DPP9: variants seen among roughly 807,000 people sequenced by gnomAD.
DPP9 encodes dipeptidyl peptidase IV-related protein-2.
A neutral mutation model predicts 110.7 loss-of-function variants in DPP9; 50 were observed. That is an observed-to-expected ratio of 0.45 (90% CI 0.36 to 0.57). DPP9 has a LOEUF of 0.57. DPP9 is among the 20% of genes least tolerant of loss of function. DPP9 has a pLI of 0.00. For synonymous variants in DPP9, 561 were observed against 514.4 expected, an observed-to-expected ratio of 1.09 and a Z score of -1.23; for missense variants, 1,022 against 1,217.9, an observed-to-expected ratio of 0.84 and a Z score of 2.39.
In DPP9 at chr19:4,700,419, C is replaced by A. The variant is rs1459876181; in HGVS notation, c.1013-142G>T. ...GGGGAGGCAGGAGAAGCCAGGTGTC[C>A]CACGGTCTGTCTGTAGGCACATCGT... On this transcript the variant is annotated intron_variant, in intron 9 of 21. Coordinates refer to ENST00000262960, the MANE Select transcript of DPP9 (RefSeq NM_139159.5). The surrounding 1 kb of genome is among the most constrained non-coding windows in gnomAD (Gnocchi z 4.3). The A allele has an allele frequency of 4.5e-5, 25 of 556,584 alleles. No homozygotes were observed. In the South Asian group the frequency reaches 6.7e-4, roughly 15 times the overall value. 34.5% of individuals were successfully genotyped at this position (556,584 alleles called of 1,614,324 possible).
rs368332608 is a variant in DPP9, at chr19:4,705,956, T to A, written c.328A>T (p.Ser110Cys). ...RLYYLGMPYGSRENSLLYSEI... is the reference protein window; with the variant it reads ...RLYYLGMPYGCRENSLLYSEI... ...GAGTAGAGGAGGGAGTTCTCTCGGC[T>A]GCCATATGGCATTCCTAAAGGGAGA... The change falls in exon 5 of 22, where the codon AGC becomes TGC. Residue 110 changes from serine to cysteine, a missense_variant. By Grantham distance (112) the Ser-to-Cys change is moderately radical. Coordinates refer to ENST00000262960, the MANE Select transcript of DPP9 (RefSeq NM_139159.5). 3 of 1,613,620 alleles carry A rather than the reference T, an allele frequency of 1.9e-6. No homozygotes were observed. Among genetic ancestry groups the A allele is most frequent in the Non-Finnish European group, 2.5e-6 (3 of 1,179,702 alleles).
intron 4 of DPP9, among the ~76,000 whole-genome samples, chr19:4,711,037 C>T (rs1296940959): frequency 1.3e-5 from 2 of 152,160 alleles, no homozygotes; most frequent in Admixed American, 6.5e-5. Context: ...GAGAAAGTTC[C>T]TCCGTTTCTG....
chr19:4,707,322 T>G (rs953329472), intron 4 of DPP9, among the ~76,000 whole-genome samples: 2 of 152,084 alleles, frequency 1.3e-5, no homozygotes, highest in African/African-American at 2.4e-5. Context: ...ATGTCTTAGA[T>G]CTGCTGGATG....
At chr19:4,716,322 G>T (rs1484190117) in intron 3 of DPP9, among the ~76,000 whole-genome samples, 1 of 152,130 alleles carries the variant, frequency 6.6e-6, no homozygotes. Flanking sequence ...GAGCTGCAAG[G>T]ATGTCAACGA....
chr19:4,705,765 C>T, intron 5 of DPP9, 93 bp downstream of exon 5: 1 of 1,232,396 alleles, frequency 8.1e-7, no homozygotes, highest in Non-Finnish European at 1.2e-6. Flanking sequence ...GCCGGTGGGG[C>T]AGAGAGGTGA....
chr19:4,704,173 G>A lies in DPP9; in HGVS notation c.558C>T (p.Asn186=), dbSNP rs1344874023. 2.3e-5 allele frequency: 37 copies of A among 1,613,922 alleles called. No homozygotes were observed. The highest frequency in any genetic ancestry group is 2.8e-5 in the Non-Finnish European group (33 of 1,179,908). Residue 186 remains asparagine (N), a synonymous_variant, in exon 6 of 22, where the codon AAC becomes AAT. Transcript: ENST00000262960. This position sits in a 1 kb window ranked among gnomAD's most constrained non-coding sequence, Gnocchi z 6.0. ...CGCCGTCGCGGCAGTGGAAGAGGCT[G>A]TTGCTGGCCTGGAAGAGGAAGAGGC... is the stretch of plus-strand genomic sequence containing the variant. ...ESGLFLFQAS[N]SLFHCRDGGK...
In DPP9 at chr19:4,685,226, G is replaced by A. The variant is rs760586939; in HGVS notation, c.2031+400C>T. On this transcript the variant is annotated intron_variant, in intron 17 of 21. Transcript: ENST00000262960. This position sits in a 1 kb window ranked among gnomAD's most constrained non-coding sequence, Gnocchi z 5.8. ...TCGCCCCGTATCCTCTGTGGGGACA[G>A]AGCTGCTCTGGGTAAGATGTGCGCC... 2 of 518,530 alleles carry A rather than the reference G, an allele frequency of 3.9e-6. No individual in the cohort carries two copies. The highest frequency in any genetic ancestry group is 3.7e-6 in the Non-Finnish European group (1 of 267,948). 32.1% of individuals were successfully genotyped at this position (518,530 alleles called of 1,614,324 possible).
At chr19:4,677,565 G>A (rs968060712) in intron 21 of DPP9, among the ~76,000 whole-genome samples, 3 of 152,134 alleles carry the variant, frequency 2.0e-5, no homozygotes, top group African/African-American at 7.2e-5. Context: ...ATCCATCCCT[G>A]GATGAATCAC....
chr19:4,681,917 C>T (rs374209052), intron 20 of DPP9, among the ~76,000 whole-genome samples: 1 of 144,952 alleles, frequency 6.9e-6, no homozygotes, highest in African/African-American at 2.6e-5. Context: ...CGCACGATCT[C>T]GGCTCACTGC....
chr19:4,719,627 C>T (rs1313612226), intron 3 of DPP9: 2 of 601,286 alleles, frequency 3.3e-6, no homozygotes, highest in African/African-American at 3.7e-5. Flanking sequence ...CTGGGATGGC[C>T]CCACCCCAGA....
chr19:4,692,096 C>A (rs2091379453), intron 13 of DPP9, among the ~76,000 whole-genome samples: 1 of 151,998 alleles, frequency 6.6e-6, no homozygotes, highest in South Asian at 2.1e-4. Context: ...GCTGGGATTC[C>A]AGGTGTGAGC....
At chr19:4,679,199 A>G (rs1344213769) in intron 21 of DPP9, 1 of 138,938 alleles carries the variant, frequency 7.2e-6, no homozygotes, top group Non-Finnish European at 1.6e-5. Flanking sequence ...CGGAAGCCCC[A>G]CCCACCGTAA....
intron 2 of DPP9, 28 bp from the exon 3 acceptor site, chr19:4,719,969 AG>A: frequency 6.5e-7 from 1 of 1,541,482 alleles, no homozygotes; most frequent in Non-Finnish European, 8.8e-7. Context: ...GAGAGATCAA[AG>A]GGCTGCAACC....
chr19:4,705,734 G>C (rs921848588), intron 5 of DPP9, 124 bp downstream of exon 5: 1 of 876,460 alleles, frequency 1.1e-6, no homozygotes, highest in Non-Finnish European at 1.8e-6. Context: ...CCACAGGACG[G>C]AGGGTTTGTG....
At position 4,697,552 on chromosome 19, in the gene DPP9, A is replaced by G. The variant is rs757653358; in HGVS notation, c.1174T>C (p.Tyr392His). Residue 392 changes from tyrosine (Y) to histidine (H), a missense_variant and splice_region_variant, in exon 11 of 22, where the codon TAC (tyrosine) becomes CAC (histidine). This residue lies in a region of DPP9 where 810 missense variants were observed against 920.6 expected (regional missense o/e 0.88). Coordinates refer to ENST00000262960, the MANE Select transcript of DPP9 (RefSeq NM_139159.5). ...TGGGTTCCAGCCAGAGACACTCACT[A>G]TTTGCCATCCCGGGTCCACCCGGCC... is the stretch of plus-strand genomic sequence containing the variant. ...ARAGWTRDGK[Y>H]AWAMFLDRPQ... The G allele has an allele frequency of 1.2e-6, 2 of 1,612,750 alleles. No individual in the cohort carries two copies. Among genetic ancestry groups the G allele is most frequent in the East Asian group, 2.2e-5 (1 of 44,860 alleles).
chr19:4,703,954 T>C lies in DPP9; in HGVS notation c.701A>G (p.Asn234Ser), dbSNP rs2092443752. 1.9e-6 allele frequency: 3 copies of C among 1,613,678 alleles called. No individual in the cohort carries two copies. The highest frequency in any genetic ancestry group is 1.1e-5 in the South Asian group (1 of 91,062). The change falls in exon 7 of 22, where the codon AAT (asparagine) becomes AGT (serine). Residue 234 changes from asparagine to serine, a missense_variant. Around this residue, in one of 3 missense-constraint regions of DPP9, gnomAD observed 810 missense variants for 920.6 expected, o/e 0.88. Coordinates refer to ENST00000262960, the MANE Select transcript of DPP9 (RefSeq NM_139159.5). Reference sequence around the variant, plus strand: ...GTTGGCCACCCACAGGTCGCTGTTATTGATGAAGGAGAAGAAGGCAGGGTC... The same window carrying C: ...GTTGGCCACCCACAGGTCGCTGTTACTGATGAAGGAGAAGAAGGCAGGGTC... The part of the protein sequence containing the change: ...PADPAFFSFI[N>S]NSDLWVANIE...
intron 3 of DPP9, among the ~76,000 whole-genome samples, chr19:4,715,176 T>C (rs903547316): frequency 6.6e-5 from 10 of 151,920 alleles, no homozygotes; most frequent in African/African-American, 2.4e-4. Context: ...CCTGCCACCA[T>C]GCCCAACTAA....
intron 21 of DPP9, among the ~76,000 whole-genome samples, chr19:4,677,277 G>C (rs569817573): frequency 1.3e-4 from 20 of 152,144 alleles, no homozygotes; most frequent in Non-Finnish European, 2.8e-4. Context: ...CCACGAAGGA[G>C]GGCTCTCGAG....
At chr19:4,707,923 G>C (rs2092666170) in intron 4 of DPP9, among the ~76,000 whole-genome samples, 1 of 152,258 alleles carries the variant, frequency 6.6e-6, no homozygotes, top group African/African-American at 2.4e-5. Flanking sequence ...ACCACACCCG[G>C]CCCTTGCTTG....
Sources: gnomAD v4.1 joint callset for allele counts (sites outside exome capture counted in the v4.1 genomes callset) on GRCh38, gnomAD v4.1.1 for gene constraint, gnomAD v4.1.1 regional missense constraint, Gnocchi (gnomAD v3.1) non-coding constraint, MANE v1.5 for transcripts, NCBI Gene and HGNC (gene_info 2026-07-23, HGNC 2026-07-21) for gene names.